FMR1: variants seen among roughly 807,000 people sequenced by gnomAD.
FMR1 encodes FMRP translational regulator 1.
In FMR1, 13 loss-of-function variants were observed where a neutral mutation model predicts 50.6. The observed-to-expected ratio is 0.26, with a 90% CI of 0.17 to 0.41. The LOEUF (loss-of-function observed/expected upper bound fraction) is 0.41. Among genes scored for constraint, FMR1 ranks in the 10% least tolerant of loss-of-function variants. FMR1 has a pLI of 1.00. For synonymous variants in FMR1, 138 were observed against 164.1 expected, an observed-to-expected ratio of 0.84 and a Z score of 1.22; for missense variants, 316 against 491.3, an observed-to-expected ratio of 0.64 and a Z score of 3.37.
Position 147,949,869 on chromosome X carries a change from G to A in FMR1, c.*1025G>A, listed in dbSNP as rs1557183147. The A allele has an allele frequency of 3.1e-6, 1 of 327,530 alleles. No individual in the cohort carries two copies. The highest frequency in any genetic ancestry group is 5.9e-6 in the Non-Finnish European group (1 of 169,495). 27.0% of individuals were successfully genotyped at this position (327,530 alleles called of 1,213,427 possible). On this transcript the variant is annotated 3_prime_UTR_variant, in exon 17 of 17. Coordinates refer to ENST00000370475, the MANE Select transcript of FMR1 (RefSeq NM_002024.6). ...AAGCTTATTTTGGAGAGATAGGAAG[G>A]TCATTTCCATGTATGCATAATAATC...
intron 7 of FMR1, chrX:147,931,091 G>T (rs2043587899): frequency 9.0e-6 from 1 of 111,448 alleles, no homozygotes; most frequent in Admixed American, 9.6e-5. Context: ...TTTTTCTTAA[G>T]GCCATGGAGG....
chrX:147,935,700 A>G (rs781974685), intron 9 of FMR1, among the ~76,000 whole-genome samples: 2 of 112,529 alleles, frequency 1.8e-5, no homozygotes, highest in African/African-American at 3.2e-5. Context: ...AAATAAGGAA[A>G]TGATCAAGTA....
At chrX:147,921,850 C>T (rs1448362375) in intron 1 of FMR1, 83 bp from the exon 2 acceptor site, 18 of 591,659 alleles carry the variant, frequency 3.0e-5, no homozygotes, top group South Asian at 2.5e-4. Flanking sequence ...ACACATAAAA[C>T]GTTTGGTATC....
chrX:147,948,865 T>C lies in FMR1; in HGVS notation c.*21T>C, dbSNP rs782257841. 1.8e-5 allele frequency: 21 copies of C among 1,192,424 alleles called. No homozygotes were observed. In the South Asian group the frequency reaches 3.4e-4, roughly 19 times the overall value. On this transcript the variant is annotated 3_prime_UTR_variant, in exon 17 of 17. Coordinates refer to ENST00000370475, the MANE Select transcript of FMR1 (RefSeq NM_002024.6). The stretch of plus-strand genomic sequence containing the variant: ...CCTAAACTGCATAATTCTGAAGTTA[T>C]ATTTCCTATACCATTTCCGTAATTC...
intron 12 of FMR1, among the ~76,000 whole-genome samples, chrX:147,938,699 G>A (rs1282530394): frequency 8.9e-6 from 1 of 111,748 alleles, no homozygotes; most frequent in Non-Finnish European, 1.9e-5. Context: ...TTGAGGGCAG[G>A]GAGAGCTGGT....
chrX:147,941,783 C>G (rs2044015963), intron 13 of FMR1, among the ~76,000 whole-genome samples: 1 of 111,583 alleles, frequency 9.0e-6, no homozygotes, highest in African/African-American at 3.3e-5. Flanking sequence ...GTATCAAATC[C>G]CTTGTTCTTT....
At chrX:147,941,232 C>T (rs2044854985) in intron 13 of FMR1, among the ~76,000 whole-genome samples, 1 of 111,593 alleles carries the variant, frequency 9.0e-6, no homozygotes, top group African/African-American at 3.3e-5. Context: ...TGTAGTGGAG[C>T]AAGCACTGGA....
In FMR1 at chrX:147,912,081, AGGCGGCGGCGGC is replaced by A. The variant is rs782036637; in HGVS notation, c.-80_-69del. 49 of 283,687 alleles carry A rather than the reference AGGCGGCGGCGGC, an allele frequency of 1.7e-4. No individual in the cohort carries two copies. The highest frequency in any genetic ancestry group is 1.2e-3 in the East Asian group (4 of 3,357). The allele number at this position is 283,687 out of a possible 1,213,427, so 23.4% of individuals were successfully genotyped here. Reference sequence around the variant, plus strand: ...GCGGCGGCGGCGGCGGCGGCGGCGGAGGCGGCGGCGGCGGCGGCGGCGGCGGCGGCTGGGCCT... The same window carrying A: ...GCGGCGGCGGCGGCGGCGGCGGCGGAGGCGGCGGCGGCGGCGGCTGGGCCT... On this transcript the variant is annotated 5_prime_UTR_variant, in exon 1 of 17. Coordinates refer to ENST00000370475, the MANE Select transcript of FMR1 (RefSeq NM_002024.6).
intron 1 of FMR1, 80 bp downstream of exon 1, chrX:147,912,310 G>C (rs2042618843): frequency 1.0e-6 from 1 of 968,730 alleles, no homozygotes; most frequent in Non-Finnish European, 1.4e-6. Flanking sequence ...AGGCAGGCCC[G>C]GGGCCCTCTT....
chrX:147,927,723 G>A (rs782780784), intron 3 of FMR1: 1 of 112,669 alleles, frequency 8.9e-6, no homozygotes, highest in South Asian at 3.7e-4. Context: ...TGCAGTGTGT[G>A]ACAGACCAGG....
At chrX:147,940,479 T>C in intron 12 of FMR1, 97 bp from the exon 13 acceptor site, 1 of 595,215 alleles carries the variant, frequency 1.7e-6, no homozygotes, top group Non-Finnish European at 3.0e-6. Flanking sequence ...TACCTGCTGT[T>C]CACCAGATCC....
At position 147,949,489 on chromosome X, in the gene FMR1, G is replaced by T; in HGVS notation, c.*645G>T. The T allele has an allele frequency of 3.0e-6, 1 of 329,520 alleles. No individual in the cohort carries two copies. The highest frequency in any genetic ancestry group is 5.9e-6 in the Non-Finnish European group (1 of 169,932). 27.2% of individuals were successfully genotyped at this position (329,520 alleles called of 1,213,427 possible). A position where few individuals can be genotyped will look rare whatever the true frequency, so the allele number is the denominator to read the frequency against. On this transcript the variant is annotated 3_prime_UTR_variant, in exon 17 of 17. Transcript: ENST00000370475. ...AAATGTTAAAGATGTAGCAAACCCTGTCAAACATTAGTACTTTATAGAAGA... is the reference window on the plus strand; with the variant it reads ...AAATGTTAAAGATGTAGCAAACCCTTTCAAACATTAGTACTTTATAGAAGA...
intron 14 of FMR1, chrX:147,944,606 G>T: frequency 1.0e-6 from 1 of 991,902 alleles, no homozygotes; most frequent in South Asian, 3.0e-5. Flanking sequence ...ATCAAGGTTT[G>T]AACTTAGGTG....
At chrX:147,937,641 T>G in intron 11 of FMR1, 41 bp downstream of exon 11, 1 of 653,899 alleles carries the variant, frequency 1.5e-6, no homozygotes, top group South Asian at 2.2e-5. Flanking sequence ...TACAAGTAAT[T>G]TGTCTCAGAT....
intron 12 of FMR1, among the ~76,000 whole-genome samples, chrX:147,939,843 C>T (rs1170531345): frequency 1.0e-5 from 1 of 99,197 alleles, no homozygotes; most frequent in Non-Finnish European, 2.0e-5. Context: ...GAGGCTACAG[C>T]GAGCCATTAT....
At chrX:147,914,761 A>G (rs1442569205) in intron 1 of FMR1, among the ~76,000 whole-genome samples, 1 of 112,141 alleles carries the variant, frequency 8.9e-6, no homozygotes, top group Non-Finnish European at 1.9e-5. Flanking sequence ...TAAGATATGA[A>G]GGCACTTTGA....
At chrX:147,943,424 G>T in intron 14 of FMR1, 98 bp downstream of exon 14, 1 of 791,822 alleles carries the variant, frequency 1.3e-6, no homozygotes, top group Admixed American at 2.5e-5. Context: ...ACAATTTGCC[G>T]CTACATGGTT....
At position 147,944,988 on chromosome X, in the gene FMR1, G is replaced by A. The variant is rs1557181631; in HGVS notation, c.1591G>A (p.Gly531Arg). ...GGAGAGCTTCCTGCGCAGAGGAGAC[G>A]GACGGCGGCGTGGAGGGGGAGGAAG... is the stretch of plus-strand genomic sequence containing the variant. Reference protein sequence around the residue: ...ERESFLRRGDGRRRGGGGRGQ... With the variant: ...ERESFLRRGDRRRRGGGGRGQ... Residue 531 changes from glycine (G) to arginine (R), a missense_variant, in exon 15 of 17, where the codon GGA (glycine) becomes AGA (arginine). Gly to Arg is a moderately radical substitution (Grantham distance 125). Coordinates refer to ENST00000370475, the MANE Select transcript of FMR1 (RefSeq NM_002024.6). 2.5e-6 allele frequency: 3 copies of A among 1,203,129 alleles called. No homozygotes were observed. The highest frequency in any genetic ancestry group is 1.8e-5 in the South Asian group (1 of 55,782).
intron 1 of FMR1, chrX:147,912,898 C>G: frequency 3.4e-6 from 1 of 290,414 alleles, no homozygotes; most frequent in Non-Finnish European, 6.0e-6. Context: ...CTAACATGGC[C>G]CAGCAGTGCA....
Sources: allele counts gnomAD v4.1 joint callset (sites outside exome capture counted in the v4.1 genomes callset), GRCh38; gene constraint gnomAD v4.1.1; transcripts MANE v1.5; gene names NCBI Gene and HGNC (gene_info 2026-07-23, HGNC 2026-07-21).